JADE3: variants seen among roughly 807,000 people sequenced by gnomAD.
The protein encoded by JADE3 is protein Jade-3.
JADE3 carries 2 observed loss-of-function variants against 50.1 expected under a neutral mutation model. The ratio of observed to expected loss-of-function variants is 0.04; its 90% CI spans 0.02 to 0.13. JADE3 has a LOEUF of 0.13. Ranked by LOEUF, JADE3 falls within the 10% of genes least tolerant of loss-of-function variation. The pLI is 1.00. For missense variants in JADE3, 475 were observed against 634.4 expected (o/e 0.75, Z 2.70); for synonymous variants, 218 against 232.9 (o/e 0.94, Z 0.58).
intron 1 of JADE3, among the ~76,000 whole-genome samples, chrX:46,915,237 T>G (rs1169747579): frequency 9.0e-6 from 1 of 111,683 alleles, no homozygotes; most frequent in Non-Finnish European, 1.9e-5. Flanking sequence ...AGAGAGCCAG[T>G]CCAAAAATGA....
In JADE3 at chrX:47,061,007, T is replaced by C. The variant is rs1929767570; in HGVS notation, c.*1930T>C. 8.9e-6 allele frequency: 1 copy of C among 112,139 alleles called. No homozygotes were observed. The highest frequency in any genetic ancestry group is 9.5e-5 in the Admixed American group (1 of 10,485). The allele number at this position is 112,139 out of a possible 1,213,427, so 9.2% of individuals were successfully genotyped here. ...TAAAATATCATTCGTCAGGGAAATA[T>C]AGTTGTAATATTTTTACAGGATATT... On this transcript the variant is annotated 3_prime_UTR_variant, in exon 11 of 11. Transcript: ENST00000614628.
At position 46,943,090 on chromosome X, in the gene JADE3, G is replaced by A. The variant is rs782061563; in HGVS notation, c.-12+30371G>A. ...TACTGAATTCATTTACAGAATCTAA[G>A]AGTCTTTTGGAGAATTCTTTAGGGT... On this transcript the variant is annotated intron_variant, in intron 1 of 10. Transcript: ENST00000614628. 1.2e-4 allele frequency among the ~76,000 whole-genome samples: 14 copies of A among 112,439 alleles called. No individual in the cohort carries two copies. The East Asian group carries it at 3.6e-3, about 29-fold the overall frequency.
chrX:47,041,104 C>T (rs1288282354), intron 8 of JADE3, among the ~76,000 whole-genome samples: 1 of 111,123 alleles, frequency 9.0e-6, no homozygotes, highest in Non-Finnish European at 1.9e-5. Flanking sequence ...TAAGCTCTCT[C>T]CTGGTTGCTG....
At chrX:47,051,689 C>T (rs1206800260) in intron 8 of JADE3, among the ~76,000 whole-genome samples, 2 of 109,656 alleles carry the variant, frequency 1.8e-5, no homozygotes, top group African/African-American at 3.3e-5. Context: ...CCCAGCTACT[C>T]GGGAGGCTGA....
chrX:46,996,746 G>A (rs1928137590), intron 3 of JADE3, among the ~76,000 whole-genome samples: 1 of 111,933 alleles, frequency 8.9e-6, no homozygotes, highest in Non-Finnish European at 1.9e-5. Flanking sequence ...TGGACTTAGA[G>A]CCCACTTGGA....
chrX:46,979,313 G>A (rs1489026163), intron 1 of JADE3, among the ~76,000 whole-genome samples: 1 of 112,297 alleles, frequency 8.9e-6, no homozygotes, highest in African/African-American at 3.2e-5. Context: ...AGAAAATGGA[G>A]AAACTGTTTT....
At chrX:46,976,821 C>G (rs1556351746) in intron 1 of JADE3, among the ~76,000 whole-genome samples, 1 of 111,403 alleles carries the variant, frequency 9.0e-6, no homozygotes, top group Non-Finnish European at 1.9e-5. Context: ...CTTTGACAAT[C>G]ACAGACCTTA....
intron 1 of JADE3, among the ~76,000 whole-genome samples, chrX:46,914,047 G>T (rs1926028947): frequency 8.9e-6 from 1 of 111,775 alleles, no homozygotes; most frequent in African/African-American, 3.3e-5. Flanking sequence ...TGTTCAGTCT[G>T]ATAAAGTGAA....
At chrX:46,939,483 T>C (rs189367672) in intron 1 of JADE3, among the ~76,000 whole-genome samples, 2 of 111,864 alleles carry the variant, frequency 1.8e-5, no homozygotes, top group East Asian at 5.6e-4. Context: ...TAACTCCTGC[T>C]CTCTTTCAAT....
intron 8 of JADE3, among the ~76,000 whole-genome samples, chrX:47,049,276 C>G (rs1556371365): frequency 9.8e-6 from 1 of 102,002 alleles, no homozygotes. Context: ...CAACCTCCAC[C>G]TCCCAGGTTC....
chrX:46,998,134 C>T lies in JADE3; in HGVS notation c.141C>T (p.Asp47=). ...HKKPAEVFRK[D]LISAMKLPDS... ...TATCTTTCCAGGTATTCCGGAAGGA[C>T]CTCATCAGTGCCATGAAACTTCCAG... Residue 47 remains aspartate, a synonymous_variant, in exon 4 of 11, where the codon GAC becomes GAT. Coordinates refer to ENST00000614628, the MANE Select transcript of JADE3 (RefSeq NM_014735.5). 2 of 1,206,016 alleles carry T rather than the reference C, an allele frequency of 1.7e-6. No individual in the cohort carries two copies. Among genetic ancestry groups the T allele is most frequent in the Non-Finnish European group, 2.2e-6 (2 of 891,063 alleles).
rs1556366539 is a variant in JADE3, at chrX:47,030,584, A to G, written c.687+2481A>G. 2.7e-5 allele frequency among the ~76,000 whole-genome samples: 3 copies of G among 112,125 alleles called. No individual in the cohort carries two copies. In the East Asian group the frequency reaches 8.3e-4, roughly 31 times the overall value. ...TGGTTTACTCCCTAACAGAATGGGG[A>G]CATGTTGACATCTGAATTTATTAAA... On this transcript the variant is annotated intron_variant, in intron 6 of 10. Transcript: ENST00000614628.
In JADE3 at chrX:47,060,841, T is replaced by A. The variant is rs782418393; in HGVS notation, c.*1764T>A. On this transcript the variant is annotated 3_prime_UTR_variant, in exon 11 of 11. Coordinates refer to ENST00000614628, the MANE Select transcript of JADE3 (RefSeq NM_014735.5). ...TGGTAATGAAATTATGATGGAGCTG[T>A]GTTATAAATTCCTTATGTCAGAGGC... 7 of 112,359 alleles carry A rather than the reference T, an allele frequency of 6.2e-5. No homozygotes were observed. The East Asian group carries it at 2.0e-3, about 31-fold the overall frequency. The allele number at this position is 112,359 out of a possible 1,213,427, so 9.3% of individuals were successfully genotyped here. A position where few individuals can be genotyped will look rare whatever the true frequency, so the allele number is the denominator to read the frequency against.
rs1013051345 is a variant in JADE3 at position 46,935,635 on chromosome X, A to C, written c.-12+22916A>C. 1.5e-4 allele frequency among the ~76,000 whole-genome samples: 16 copies of C among 109,938 alleles called. No homozygotes were observed. In the Admixed American group the frequency reaches 1.6e-3, roughly 11 times the overall value. The stretch of plus-strand genomic sequence containing the variant: ...CCTTATGAGAATCTAATACCTGATG[A>C]TCTGAGATGGAACAGTTTCATCTGG... On this transcript the variant is annotated intron_variant, in intron 1 of 10. Transcript: ENST00000614628.
intron 4 of JADE3, among the ~76,000 whole-genome samples, chrX:47,017,419 T>C (rs1448137242): frequency 1.8e-5 from 2 of 112,308 alleles, no homozygotes; most frequent in Non-Finnish European, 3.8e-5. Context: ...AATCAGTTTC[T>C]ATTGCAGTAA....
At chrX:46,915,163 G>A (rs968798444) in intron 1 of JADE3, among the ~76,000 whole-genome samples, 14 of 111,519 alleles carry the variant, frequency 1.3e-4, no homozygotes, top group African/African-American at 3.6e-4. Context: ...GGAGGTAGGA[G>A]GCATCAGGTG....
intron 4 of JADE3, among the ~76,000 whole-genome samples, chrX:47,023,564 A>G (rs1556364918): frequency 5.4e-5 from 6 of 112,114 alleles, no homozygotes; most frequent in African/African-American, 1.9e-4. Context: ...TATTTTTATC[A>G]TATTTAATGA....
At chrX:46,977,139 C>T (rs1927644441) in intron 1 of JADE3, among the ~76,000 whole-genome samples, 1 of 112,003 alleles carries the variant, frequency 8.9e-6, no homozygotes, top group African/African-American at 3.2e-5. Context: ...GTGGGTGAAT[C>T]ACTTGAGGTC....
chrX:46,935,228 C>G (rs1387326280), intron 1 of JADE3, among the ~76,000 whole-genome samples: 1 of 112,133 alleles, frequency 8.9e-6, no homozygotes, highest in East Asian at 2.8e-4. Context: ...GCCACTGTGC[C>G]CAGCTTGCTG....
Sources: allele counts gnomAD v4.1 joint callset (sites outside exome capture counted in the v4.1 genomes callset), GRCh38; gene constraint gnomAD v4.1.1; transcripts MANE v1.5; gene names NCBI Gene and HGNC (gene_info 2026-07-23, HGNC 2026-07-21).